PRKAR1B: variants seen among roughly 807,000 people sequenced by gnomAD.
PRKAR1B encodes protein kinase cAMP-dependent type I regulatory subunit beta, also known as cAMP-dependent protein kinase type I-beta regulatory subunit.
A neutral mutation model predicts 46.5 loss-of-function variants in PRKAR1B; 22 were observed. That is an observed-to-expected ratio of 0.47 (90% CI 0.34 to 0.68). PRKAR1B has a LOEUF of 0.68. PRKAR1B is among the 30% of genes least tolerant of loss of function. PRKAR1B has a pLI of 0.01. For synonymous variants in PRKAR1B, 259 were observed against 217.7 expected (o/e 1.19, Z -1.67); for missense variants, 445 against 535.6 (o/e 0.83, Z 1.67).
At chr7:612,583 T>A (rs1002867035) in intron 4 of PRKAR1B, among the ~76,000 whole-genome samples, 2 of 151,952 alleles carry the variant, frequency 1.3e-5, no homozygotes, top group African/African-American at 2.4e-5. Flanking sequence ...CGACAGATGA[T>A]GGATGGGTGG....
chr7:641,610 C>T (rs1056560148), intron 4 of PRKAR1B, among the ~76,000 whole-genome samples: 15 of 152,008 alleles, frequency 9.9e-5, no homozygotes, highest in African/African-American at 3.4e-4. Context: ...AGGGAGCGGG[C>T]GGTGATCAAA....
chr7:657,698 A>T (rs1358702690), intron 4 of PRKAR1B, among the ~76,000 whole-genome samples: 4 of 152,222 alleles, frequency 2.6e-5, no homozygotes, highest in African/African-American at 9.6e-5. Flanking sequence ...GAGTCAAAGC[A>T]CATCTTTGTT....
rs1173265079 is a variant in PRKAR1B, at chr7:651,532, T to C, written c.440+25697A>G. 5.8e-5 allele frequency among the ~76,000 whole-genome samples: 8 copies of C among 138,832 alleles called. No individual in the cohort carries two copies. The South Asian group carries it at 1.5e-3, about 26-fold the overall frequency. The allele number at this position is 138,832 out of a possible 152,430, so 91.1% of individuals were successfully genotyped here. ...CCTGTCAGAAGACAGTTCACACCCG[T>C]GCAGCGCTAGGAACCTGGGAAACCC... is the stretch of plus-strand genomic sequence containing the variant. On this transcript the variant is annotated intron_variant, in intron 4 of 10. Transcript: ENST00000537384.
intron 8 of PRKAR1B, among the ~76,000 whole-genome samples, chr7:583,347 GCA>G (rs1055795701): frequency 6.7e-5 from 10 of 148,718 alleles, no homozygotes; most frequent in South Asian, 4.2e-4. Context: ...ACACACACGT[GCA>G]CACACACAGG....
intron 7 of PRKAR1B, among the ~76,000 whole-genome samples, chr7:588,855 G>T (rs111210971): frequency 2.2e-3 from 76 of 34,536 alleles, no homozygotes; most frequent in East Asian, 3.0e-3. Context: ...GGTGGTGATG[G>T]TGATGGTGGT....
At chr7:647,673 G>A (rs1784685814) in intron 4 of PRKAR1B, among the ~76,000 whole-genome samples, 1 of 151,800 alleles carries the variant, frequency 6.6e-6, no homozygotes, top group Non-Finnish European at 1.5e-5. Context: ...GGGCGAGGTG[G>A]CAGGCGCCTG....
intron 4 of PRKAR1B, among the ~76,000 whole-genome samples, chr7:609,886 A>C (rs563668493): frequency 3.0e-4 from 45 of 152,162 alleles, no homozygotes; most frequent in Admixed American, 9.8e-4. Context: ...GACTACAGGC[A>C]CGTGCCACCA....
In PRKAR1B at chr7:684,009, C is replaced by T. The variant is rs1340849345; in HGVS notation, c.178-3283G>A. Among the ~76,000 whole-genome samples, 3 of 151,658 alleles carry T rather than the reference C, an allele frequency of 2.0e-5. No individual in the cohort carries two copies. The East Asian group carries it at 5.8e-4, about 30-fold the overall frequency. On this transcript the variant is annotated intron_variant, in intron 2 of 10. Coordinates refer to ENST00000537384, the MANE Select transcript of PRKAR1B (RefSeq NM_001164760.2). ...CACTTCTGCATATGCCAACGCCTACCTCCACATGCACCAATGCCCACCTCC... is the reference window on the plus strand; with the variant it reads ...CACTTCTGCATATGCCAACGCCTACTTCCACATGCACCAATGCCCACCTCC...
At chr7:710,676 C>T (rs1353899544) in intron 2 of PRKAR1B, among the ~76,000 whole-genome samples, 8 of 141,530 alleles carry the variant, frequency 5.7e-5, no homozygotes, top group Admixed American at 2.2e-4. Flanking sequence ...GACGGAGTCT[C>T]GCTCTGTCGC....
intron 2 of PRKAR1B, among the ~76,000 whole-genome samples, chr7:703,655 C>CA (rs201241648): frequency 0.16 from 19,629 of 119,460 alleles, 1,577 homozygotes; most frequent in South Asian, 0.23. Flanking sequence ...GACTCTGTCT[C>CA]AAAAAAAAAA....
intron 9 of PRKAR1B, among the ~76,000 whole-genome samples, chr7:572,696 T>TA (rs1378485941): frequency 6.6e-6 from 1 of 152,248 alleles, no homozygotes; most frequent in Middle Eastern, 3.4e-3. Context: ...CAGCCCTCAC[T>TA]GGCGTCCACC....
chr7:709,069 G>A (rs1484512155), intron 2 of PRKAR1B, among the ~76,000 whole-genome samples: 1 of 132,634 alleles, frequency 7.5e-6, no homozygotes, highest in Admixed American at 8.6e-5. Context: ...GGGATTACAG[G>A]TGTGAGCCAC....
At chr7:568,313 C>T (rs922631841) in intron 9 of PRKAR1B, among the ~76,000 whole-genome samples, 8 of 152,166 alleles carry the variant, frequency 5.3e-5, no homozygotes, top group African/African-American at 1.4e-4. Context: ...CCCTCAGGAG[C>T]CTTTTCACCA....
chr7:576,066 C>T (rs889903347), intron 9 of PRKAR1B, among the ~76,000 whole-genome samples: 2 of 150,418 alleles, frequency 1.3e-5, no homozygotes, highest in African/African-American at 2.4e-5. Flanking sequence ...TGCACACAGG[C>T]ATCCTCTCCT....
chr7:560,546 T>C lies in PRKAR1B; in HGVS notation c.892-9076A>G, dbSNP rs141022174. Among the ~76,000 whole-genome samples the C allele has an allele frequency of 4.2e-3, 643 of 152,168 alleles. 9 individuals carry two copies. The highest frequency in any genetic ancestry group is 3.7e-3 in the Non-Finnish European group (249 of 68,000). On this transcript the variant is annotated intron_variant, in intron 9 of 10. Transcript: ENST00000537384. This position sits in a 1 kb window ranked among gnomAD's most constrained non-coding sequence, Gnocchi z 4.2. ...TCCCCCTGACCTGGCCAGGAACAAA[T>C]GGGACTGAGGAGGCTCCTGTCCTGC...
intron 9 of PRKAR1B, chr7:562,083 G>C (rs561065058): frequency 6.6e-6 from 1 of 152,460 alleles, no homozygotes; most frequent in East Asian, 1.9e-4. Flanking sequence ...CCACGGTTAG[G>C]TGAGAAGCGT....
chr7:615,626 A>T lies in PRKAR1B; in HGVS notation c.441-8174T>A, dbSNP rs564581441. 2.6e-5 allele frequency among the ~76,000 whole-genome samples: 4 copies of T among 151,566 alleles called. No individual in the cohort carries two copies. In the South Asian group the frequency reaches 8.3e-4, roughly 32 times the overall value. On this transcript the variant is annotated intron_variant, in intron 4 of 10. Transcript: ENST00000537384. ...GCCGAGGTGGGCGGATCACGAGGTC[A>T]GGAGATCGAGACCATTATGAAACCC...
chr7:555,850 A>G (rs9768348), intron 9 of PRKAR1B, among the ~76,000 whole-genome samples: 10,108 of 152,226 alleles, frequency 0.066, 939 homozygotes, highest in African/African-American at 0.21. Context: ...GCCCTGTTGC[A>G]GGAGGGGTGC....
chr7:641,455 C>T (rs973658893), intron 4 of PRKAR1B, among the ~76,000 whole-genome samples: 2 of 152,168 alleles, frequency 1.3e-5, no homozygotes, highest in South Asian at 4.1e-4. Flanking sequence ...ACCCAGATGA[C>T]GCCGTATTGT....
Sources: gnomAD v4.1 joint callset for allele counts (sites outside exome capture counted in the v4.1 genomes callset) on GRCh38, gnomAD v4.1.1 for gene constraint, Gnocchi (gnomAD v3.1) non-coding constraint, MANE v1.5 for transcripts, NCBI Gene and HGNC (gene_info 2026-07-23, HGNC 2026-07-21) for gene names.